The following PEAK1 variants were observed in gnomAD, a reference collection of about 807,000 sequenced individuals.
PEAK1 encodes inactive tyrosine-protein kinase PEAK1.
Under a neutral mutation model 124.7 loss-of-function variants are expected in PEAK1, and 54 were observed. The observed-to-expected ratio is 0.43, with a 90% CI of 0.35 to 0.54. PEAK1 has a LOEUF of 0.54. Ranked by LOEUF, PEAK1 falls within the 20% of genes least tolerant of loss-of-function variation. The probability of loss-of-function intolerance (pLI) is 0.01; values close to 1 mark genes in which losing one functional copy is unlikely to be tolerated. For synonymous variants in PEAK1, 719 were observed against 760.0 expected, an observed-to-expected ratio of 0.95 and a Z score of 0.89; for missense variants, 2,046 against 2,134.5, an observed-to-expected ratio of 0.96 and a Z score of 0.82.
intron 7 of PEAK1, chr15:77,178,038 A>G (rs2056991526): frequency 6.6e-6 from 1 of 152,220 alleles, no homozygotes; most frequent in Admixed American, 6.5e-5. Context: ...AGAATATAGC[A>G]AATTTATAAG....
chr15:77,207,060 A>G (rs1336358250), intron 6 of PEAK1, among the ~76,000 whole-genome samples: 1 of 152,202 alleles, frequency 6.6e-6, no homozygotes, highest in African/African-American at 2.4e-5. Flanking sequence ...CTGGCTAGCC[A>G]TAGGTAGAAA....
At chr15:77,197,363 G>C (rs2058157256) in intron 6 of PEAK1, among the ~76,000 whole-genome samples, 1 of 152,160 alleles carries the variant, frequency 6.6e-6, no homozygotes, top group Non-Finnish European at 1.5e-5. Flanking sequence ...CTAAAAACAA[G>C]AGGTGAAATT....
intron 2 of PEAK1, chr15:77,333,437 A>G (rs1304280125): frequency 1.0e-6 from 1 of 961,282 alleles, no homozygotes; most frequent in Non-Finnish European, 1.2e-6. Flanking sequence ...TTTTGCTTGT[A>G]TATTTCTTTT....
chr15:77,263,016 T>C (rs369382097), intron 5 of PEAK1, among the ~76,000 whole-genome samples: 3 of 151,960 alleles, frequency 2.0e-5, no homozygotes, highest in African/African-American at 4.8e-5. Context: ...GGGTACATAA[T>C]GAAATGAAGG....
chr15:77,154,758 T>A (rs1345896319), intron 8 of PEAK1, among the ~76,000 whole-genome samples: 1 of 151,852 alleles, frequency 6.6e-6, no homozygotes, highest in Non-Finnish European at 1.5e-5. Context: ...TTAGTTTGGC[T>A]GGATATGAAA....
At chr15:77,319,633 T>G (rs548323569) in intron 2 of PEAK1, among the ~76,000 whole-genome samples, 1 of 152,252 alleles carries the variant, frequency 6.6e-6, no homozygotes, top group African/African-American at 2.4e-5. Flanking sequence ...TTAATAGGTT[T>G]TAAGGAATAA....
At chr15:77,420,148 C>G (rs1207834704), upstream of PEAK1, 1 of 150,628 alleles carries the variant, frequency 6.6e-6, no homozygotes, top group East Asian at 1.9e-4. Context: ...GTCCACCGCG[C>G]GCTCCCGGCC....
At chr15:77,289,534 A>C (rs1344596476) in intron 2 of PEAK1, among the ~76,000 whole-genome samples, 1 of 152,178 alleles carries the variant, frequency 6.6e-6, no homozygotes, top group Non-Finnish European at 1.5e-5. Flanking sequence ...AAAAGCATCA[A>C]TCCTTAAACT....
Position 77,169,430 on chromosome 15 carries a change from G to A in PEAK1, c.3137+9360C>T, listed in dbSNP as rs184005966. On this transcript the variant is annotated intron_variant, in intron 7 of 9. Transcript: ENST00000682557. ...AAGTAACTACGGCCCATTGGCCATA[G>A]TTTTAATCAATAACCAAGTGTTATT... Among the ~76,000 whole-genome samples the A allele has an allele frequency of 2.2e-4, 34 of 152,328 alleles. No homozygotes were observed. The East Asian group carries it at 6.6e-3, about 29-fold the overall frequency.
chr15:77,237,828 T>A (rs2060191032), intron 6 of PEAK1, among the ~76,000 whole-genome samples: 1 of 152,162 alleles, frequency 6.6e-6, no homozygotes, highest in Non-Finnish European at 1.5e-5. Flanking sequence ...TTTCTTTTAA[T>A]TGAATGAGTT....
rs536189036 is a variant in PEAK1 at position 77,384,208 on chromosome 15, T to G, written c.-665-18983A>C. ...TTTAGTGCAAAAAAAAAAAACAAGC[T>G]CACAAACTATTATATTTTTGTCCTT... On this transcript the variant is annotated intron_variant, in intron 1 of 9. Coordinates refer to ENST00000682557, the MANE Select transcript of PEAK1 (RefSeq NM_001385026.1). Among the ~76,000 whole-genome samples the G allele has an allele frequency of 6.1e-4, 92 of 149,882 alleles. No individual in the cohort carries two copies. The South Asian group carries it at 0.018, about 30-fold the overall frequency.
chr15:77,207,784 C>T (rs1038904754), intron 6 of PEAK1, among the ~76,000 whole-genome samples: 3 of 152,130 alleles, frequency 2.0e-5, no homozygotes, highest in African/African-American at 7.2e-5. Flanking sequence ...ATACATTTGT[C>T]AAACCTCATA....
At chr15:77,195,505 G>GAAAGCATAAT (rs543803719) in intron 6 of PEAK1, among the ~76,000 whole-genome samples, 197 of 152,256 alleles carry the variant, frequency 1.3e-3, no homozygotes, top group Non-Finnish European at 2.5e-3. Context: ...AAAACAGAGA[G>GAAAGCATAAT]AAAGCATAAT....
intron 1 of PEAK1, among the ~76,000 whole-genome samples, chr15:77,393,625 T>C (rs1323117639): frequency 6.6e-6 from 1 of 152,138 alleles, no homozygotes; most frequent in Non-Finnish European, 1.5e-5. Flanking sequence ...ATCAGCAGTG[T>C]TAGCTAGGCA....
At chr15:77,178,341 G>GT (rs758823257) in intron 7 of PEAK1, 5 of 160,236 alleles carry the variant, frequency 3.1e-5, no homozygotes, top group Non-Finnish European at 6.8e-5. Flanking sequence ...CTTAAAATAA[G>GT]TAATGCATAT....
At chr15:77,371,399 A>C in intron 1 of PEAK1, 2 of 954,020 alleles carry the variant, frequency 2.1e-6, no homozygotes, top group Non-Finnish European at 2.5e-6. Context: ...GTAAAAGTGA[A>C]GCCATCAAAA....
At chr15:77,361,904 A>G (rs1004362200) in intron 2 of PEAK1, among the ~76,000 whole-genome samples, 8 of 152,168 alleles carry the variant, frequency 5.3e-5, no homozygotes, top group African/African-American at 1.4e-4. Flanking sequence ...TCATGAAGAA[A>G]AAAAAAAAGA....
chr15:77,249,815 C>T (rs765462474), intron 6 of PEAK1, among the ~76,000 whole-genome samples: 26 of 152,052 alleles, frequency 1.7e-4, no homozygotes, highest in African/African-American at 4.6e-4. Context: ...TGAGCCACTA[C>T]GCCTGGCCCT....
chr15:77,366,231 C>A (rs1204536155), intron 1 of PEAK1, among the ~76,000 whole-genome samples: 7 of 152,168 alleles, frequency 4.6e-5, no homozygotes, highest in African/African-American at 1.7e-4. Flanking sequence ...TGATGTTACA[C>A]ATTTCTAAGT....
Sources: allele counts gnomAD v4.1 joint callset (sites outside exome capture counted in the v4.1 genomes callset), GRCh38; gene constraint gnomAD v4.1.1; transcripts MANE v1.5; gene names NCBI Gene and HGNC (gene_info 2026-07-23, HGNC 2026-07-21).